FSD1L: variants seen among roughly 807,000 people sequenced by gnomAD.
FSD1L encodes FSD1-like protein.
A neutral mutation model predicts 71.6 loss-of-function variants in FSD1L; 45 were observed. That is an observed-to-expected ratio of 0.63 (90% CI 0.49 to 0.81). The LOEUF (loss-of-function observed/expected upper bound fraction) is 0.81. FSD1L is among the 30% of genes least tolerant of loss of function. FSD1L has a pLI of 0.00. For missense variants in FSD1L, 561 were observed against 618.1 expected (o/e 0.91, Z 0.98); for synonymous variants, 197 against 207.2 (o/e 0.95, Z 0.42).
intron 13 of FSD1L, among the ~76,000 whole-genome samples, chr9:105,543,422 T>A (rs573187850): frequency 1.1e-4 from 17 of 152,322 alleles, no homozygotes; most frequent in African/African-American, 3.1e-4. Context: ...GTTTTAATTT[T>A]ATTTTATTTT....
intron 13 of FSD1L, among the ~76,000 whole-genome samples, chr9:105,543,602 G>C (rs1037323252): frequency 6.6e-6 from 1 of 151,598 alleles, no homozygotes; most frequent in Non-Finnish European, 1.5e-5. Flanking sequence ...CCCCACAACA[G>C]GCCCCGGTGT....
At chr9:105,465,232 G>A (rs1830979236) in intron 3 of FSD1L, among the ~76,000 whole-genome samples, 1 of 151,960 alleles carries the variant, frequency 6.6e-6, no homozygotes, top group Non-Finnish European at 1.5e-5. Flanking sequence ...ATCTGAATAG[G>A]TCAATAATGA....
rs978637093 is a variant in FSD1L at position 105,494,288 on chromosome 9, T to C, written c.586+9786T>C. 1.0e-3 allele frequency among the ~76,000 whole-genome samples: 155 copies of C among 152,258 alleles called. 2 individuals are homozygous for C. In the East Asian group the frequency reaches 0.011, roughly 11 times the overall value. ...GCTGATACCCTTTCTTCCAGTTGAT[T>C]GCATCGGCTCCTGAGGCTTCTGCAT... On this transcript the variant is annotated intron_variant, in intron 7 of 13. Coordinates refer to ENST00000481272, the MANE Select transcript of FSD1L (RefSeq NM_001145313.3).
chr9:105,481,237 C>T (rs1365307972), intron 6 of FSD1L, among the ~76,000 whole-genome samples: 1 of 142,438 alleles, frequency 7.0e-6, no homozygotes, highest in Non-Finnish European at 1.5e-5. Context: ...TTTTGTGATC[C>T]CCTGCAGAAT....
intron 8 of FSD1L, 86 bp from the exon 9 acceptor site, chr9:105,508,531 C>T (rs1834203859): frequency 2.7e-6 from 2 of 751,984 alleles, no homozygotes; most frequent in Non-Finnish European, 4.6e-6. Flanking sequence ...AGACACGGTT[C>T]TTAATGCCTG....
intron 7 of FSD1L, among the ~76,000 whole-genome samples, chr9:105,502,431 T>A (rs1319404771): frequency 1.3e-5 from 2 of 152,200 alleles, no homozygotes; most frequent in Admixed American, 6.5e-5. Flanking sequence ...AGAATTTACG[T>A]GTTGATTTAT....
intron 6 of FSD1L, among the ~76,000 whole-genome samples, chr9:105,481,180 G>GTGTGTGT (rs1564098382): frequency 1.3e-4 from 4 of 30,770 alleles, no homozygotes; most frequent in African/African-American, 5.2e-4. Flanking sequence ...TGTGTGTGTG[G>GTGTGTGT]TTCTTTTTTT....
At chr9:105,505,139 T>C (rs543609729) in intron 7 of FSD1L, among the ~76,000 whole-genome samples, 2 of 152,390 alleles carry the variant, frequency 1.3e-5, no homozygotes, top group South Asian at 4.1e-4. Context: ...TATTACCATA[T>C]AGAATAATTT....
intron 10 of FSD1L, chr9:105,523,875 A>G (rs1338712849): frequency 1.1e-5 from 17 of 1,594,242 alleles, no homozygotes; most frequent in Non-Finnish European, 1.5e-5. Context: ...GCCTGGTGCC[A>G]CAATGCTTAT....
chr9:105,499,650 T>C (rs895919663), intron 7 of FSD1L, among the ~76,000 whole-genome samples: 2 of 151,806 alleles, frequency 1.3e-5, no homozygotes, highest in Non-Finnish European at 2.9e-5. Flanking sequence ...ACAGTTTTTG[T>C]TTATGTGTGT....
At chr9:105,484,349 T>C in intron 6 of FSD1L, 32 bp from the exon 7 acceptor site, 1 of 1,420,724 alleles carries the variant, frequency 7.0e-7, no homozygotes, top group Non-Finnish European at 9.2e-7. Context: ...CCTATTTCTT[T>C]ATTTTAAAAA....
At chr9:105,452,540 A>G (rs1226326620) in intron 1 of FSD1L, among the ~76,000 whole-genome samples, 2 of 152,146 alleles carry the variant, frequency 1.3e-5, no homozygotes, top group Non-Finnish European at 2.9e-5. Flanking sequence ...TGGTGGTATG[A>G]TTAAAGTAAT....
intron 7 of FSD1L, among the ~76,000 whole-genome samples, chr9:105,487,862 A>G (rs778267059): frequency 3.3e-5 from 5 of 152,222 alleles, no homozygotes; most frequent in Non-Finnish European, 7.3e-5. Context: ...TAGCTTTTTA[A>G]AAATAAACTG....
chr9:105,514,560 G>T (rs948727277), intron 10 of FSD1L, among the ~76,000 whole-genome samples: 30 of 152,210 alleles, frequency 2.0e-4, no homozygotes, highest in African/African-American at 6.5e-4. Context: ...ATGTAGAATT[G>T]TAAGTGTGAA....
Position 105,523,523 on chromosome 9 carries a change from C to T in FSD1L, c.1025+10587C>T, listed in dbSNP as rs1835316753. On this transcript the variant is annotated intron_variant, in intron 10 of 13. Transcript: ENST00000481272. ...AAATACATGCTCAAGTTTTTGATTA[C>T]CTCTGTGAACTTTGGCAGAATCTAG... The T allele has an allele frequency of 5.6e-6, 9 of 1,612,830 alleles. No homozygotes were observed. In the Admixed American group the frequency reaches 8.3e-5, roughly 15 times the overall value.
chr9:105,453,001 T>C (rs112045074), intron 1 of FSD1L, among the ~76,000 whole-genome samples: 1 of 150,682 alleles, frequency 6.6e-6, no homozygotes, highest in African/African-American at 2.4e-5. Flanking sequence ...CCTCCTAAAG[T>C]GCTGGGATTA....
At position 105,552,328 on chromosome 9, in the gene FSD1L, G is replaced by A. The variant is rs1441430289; in HGVS notation, c.*5845G>A. On this transcript the variant is annotated 3_prime_UTR_variant, in exon 14 of 14. Coordinates refer to ENST00000481272, the MANE Select transcript of FSD1L (RefSeq NM_001145313.3). The stretch of plus-strand genomic sequence containing the variant: ...TTCACTTTAAAATAGGGTATTCAAA[G>A]TGGAGTAACGTGTATTTTGAAATGA... 6.6e-6 allele frequency: 1 copy of A among 151,978 alleles called. No individual in the cohort carries two copies. Among genetic ancestry groups the A allele is most frequent in the Non-Finnish European group, 1.5e-5 (1 of 67,996 alleles). 9.4% of individuals were successfully genotyped at this position (151,978 alleles called of 1,614,324 possible).
chr9:105,450,543 T>C (rs1291991961), intron 1 of FSD1L, among the ~76,000 whole-genome samples: 1 of 151,890 alleles, frequency 6.6e-6, no homozygotes, highest in East Asian at 1.9e-4. Context: ...TCTTTTTTTT[T>C]TTTTTTTGAG....
upstream of FSD1L, among the ~76,000 whole-genome samples, chr9:105,443,325 A>ACCTG (rs1554693623): frequency 5.9e-5 from 9 of 152,130 alleles, no homozygotes; most frequent in African/African-American, 1.2e-4. Context: ...CAGATGAAAG[A>ACCTG]CAGCTTTCAT....
Sources: allele counts gnomAD v4.1 joint callset (sites outside exome capture counted in the v4.1 genomes callset), GRCh38; gene constraint gnomAD v4.1.1; transcripts MANE v1.5; gene names NCBI Gene and HGNC (gene_info 2026-07-23, HGNC 2026-07-21).